HMBOX1: variants seen among roughly 807,000 people sequenced by gnomAD.
HMBOX1 encodes the protein homeobox-containing protein 1.
In HMBOX1, 14 loss-of-function variants were observed where a neutral mutation model predicts 54.5. The ratio of observed to expected loss-of-function variants is 0.26; its 90% CI spans 0.17 to 0.40. The LOEUF (loss-of-function observed/expected upper bound fraction) is 0.40, where lower values mean the gene tolerates loss of function less well. Ranked by LOEUF, HMBOX1 falls within the 10% of genes least tolerant of loss-of-function variation. HMBOX1 has a pLI of 1.00. For missense variants in HMBOX1, 332 were observed against 514.4 expected (o/e 0.65, Z 3.43); for synonymous variants, 160 against 181.0 (o/e 0.88, Z 0.93).
intron 5 of HMBOX1, among the ~76,000 whole-genome samples, chr8:29,011,309 C>T (rs1317562549): frequency 6.6e-6 from 1 of 152,172 alleles, no homozygotes; most frequent in African/African-American, 2.4e-5. Flanking sequence ...GAGGTTGTAG[C>T]ACTATTCATA....
chr8:28,950,900 A>G (rs1238257745), intron 1 of HMBOX1, among the ~76,000 whole-genome samples: 2 of 152,230 alleles, frequency 1.3e-5, no homozygotes, highest in African/African-American at 2.4e-5. Context: ...CATGTGTTTT[A>G]AAGTAATCAA....
chr8:28,993,046 C>G (rs1586336842), intron 4 of HMBOX1, among the ~76,000 whole-genome samples: 1 of 38,778 alleles, frequency 2.6e-5, no homozygotes, highest in Non-Finnish European at 5.5e-5. Context: ...AAATCAACAC[C>G]TAGTTTTTTT....
chr8:29,000,980 A>C (rs1255906033), intron 4 of HMBOX1, among the ~76,000 whole-genome samples: 1 of 152,216 alleles, frequency 6.6e-6, no homozygotes, highest in Non-Finnish European at 1.5e-5. Context: ...AATTGTTGAC[A>C]GTGCTTTTAT....
chr8:29,006,254 A>G (rs540612065), intron 4 of HMBOX1, among the ~76,000 whole-genome samples: 1 of 152,064 alleles, frequency 6.6e-6, no homozygotes, highest in East Asian at 1.9e-4. Context: ...CTGCCTCCCA[A>G]AGTGCCGGGA....
intron 1 of HMBOX1, among the ~76,000 whole-genome samples, chr8:28,948,832 A>G (rs1351357659): frequency 6.6e-6 from 1 of 152,148 alleles, no homozygotes; most frequent in East Asian, 1.9e-4. Context: ...CAATTCTATA[A>G]TATTTCCTTT....
intron 1 of HMBOX1, among the ~76,000 whole-genome samples, chr8:28,954,584 C>T (rs1015624867): frequency 6.6e-5 from 10 of 152,188 alleles, no homozygotes; most frequent in Admixed American, 2.0e-4. Context: ...AATTTTAAAT[C>T]ACCACTAACA....
rs1174069587 is a variant in HMBOX1 at position 29,051,726 on chromosome 8, G to C, written c.*571G>C. The C allele has an allele frequency of 3.0e-6, 2 of 664,488 alleles. No individual in the cohort carries two copies. The highest frequency in any genetic ancestry group is 5.6e-6 in the Non-Finnish European group (2 of 359,118). 41.2% of individuals were successfully genotyped at this position (664,488 alleles called of 1,614,324 possible). The stretch of plus-strand genomic sequence containing the variant: ...CACTGTGGCTAGATTATACTTCTTT[G>C]GGTGCTGTGCTAAGAATGTCAATGG... On this transcript the variant is annotated 3_prime_UTR_variant, in exon 10 of 10. Transcript: ENST00000287701.
At chr8:28,907,495 G>A (rs546098350) in intron 1 of HMBOX1, among the ~76,000 whole-genome samples, 1 of 152,272 alleles carries the variant, frequency 6.6e-6, no homozygotes, top group South Asian at 2.1e-4. Flanking sequence ...ATTTTTGATA[G>A]TAATTAAGTT....
intron 4 of HMBOX1, among the ~76,000 whole-genome samples, chr8:28,986,389 T>A (rs1830167637): frequency 6.6e-6 from 1 of 152,234 alleles, no homozygotes; most frequent in Admixed American, 6.5e-5. Context: ...AATTTCTATC[T>A]ATATTAGTAA....
chr8:28,951,361 G>C (rs532685768), intron 1 of HMBOX1, among the ~76,000 whole-genome samples: 1 of 152,170 alleles, frequency 6.6e-6, no homozygotes, highest in African/African-American at 2.4e-5. Flanking sequence ...TCGATCTCTT[G>C]ACCTTATGAT....
intron 4 of HMBOX1, among the ~76,000 whole-genome samples, chr8:28,997,702 C>T (rs75021777): frequency 0.019 from 2,949 of 152,202 alleles, 90 homozygotes; most frequent in African/African-American, 0.068. Flanking sequence ...TGTGCGCCAT[C>T]ATGCCTTGCT....
At chr8:28,891,965 C>T (rs967231896) in intron 1 of HMBOX1, among the ~76,000 whole-genome samples, 3 of 152,150 alleles carry the variant, frequency 2.0e-5, no homozygotes, top group Non-Finnish European at 4.4e-5. Flanking sequence ...GTACAGAAAC[C>T]TCTGGCTTCC....
At chr8:28,973,602 A>G (rs1827811551) in intron 3 of HMBOX1, among the ~76,000 whole-genome samples, 2 of 151,890 alleles carry the variant, frequency 1.3e-5, no homozygotes, top group African/African-American at 4.8e-5. Flanking sequence ...TGCTATGGTG[A>G]TATGATAGCC....
In HMBOX1 at chr8:28,987,227, A is replaced by G. The variant is rs192262371; in HGVS notation, c.586+7071A>G. Among the ~76,000 whole-genome samples, 54 of 152,330 alleles carry G rather than the reference A, an allele frequency of 3.5e-4. 1 individual carries two copies. In the East Asian group the frequency reaches 0.01, roughly 29 times the overall value. Reference sequence around the variant, plus strand: ...CACAGATGTGGTTTTTCCCTCATTCAGTAATTATCATTTTTGTTTCTCTCC... The same window carrying G: ...CACAGATGTGGTTTTTCCCTCATTCGGTAATTATCATTTTTGTTTCTCTCC... On this transcript the variant is annotated intron_variant, in intron 4 of 9. Coordinates refer to ENST00000287701, the MANE Select transcript of HMBOX1 (RefSeq NM_001135726.3).
At chr8:28,917,094 T>G (rs1479956150) in intron 1 of HMBOX1, among the ~76,000 whole-genome samples, 2 of 151,522 alleles carry the variant, frequency 1.3e-5, no homozygotes, top group Non-Finnish European at 2.9e-5. Flanking sequence ...AAGAATTACC[T>G]TGTTAATATA....
At chr8:28,945,661 C>T (rs1822294742) in intron 1 of HMBOX1, among the ~76,000 whole-genome samples, 1 of 152,122 alleles carries the variant, frequency 6.6e-6, no homozygotes, top group African/African-American at 2.4e-5. Context: ...ATTTTTCCAG[C>T]TGTGAATTTC....
chr8:28,940,881 G>C (rs978352897), intron 1 of HMBOX1, among the ~76,000 whole-genome samples: 1 of 152,212 alleles, frequency 6.6e-6, no homozygotes, highest in Non-Finnish European at 1.5e-5. Flanking sequence ...CCTGATTTAA[G>C]TGGAAGGCAC....
intron 1 of HMBOX1, among the ~76,000 whole-genome samples, chr8:28,923,086 G>C (rs1396258888): frequency 6.6e-6 from 1 of 152,116 alleles, no homozygotes; most frequent in Non-Finnish European, 1.5e-5. Context: ...TACATTTACA[G>C]TGTTGCACAA....
At chr8:28,930,152 A>G (rs1819237236) in intron 1 of HMBOX1, among the ~76,000 whole-genome samples, 2 of 152,056 alleles carry the variant, frequency 1.3e-5, no homozygotes. Flanking sequence ...TCAAACTCAT[A>G]TGTCTGAACC....
Sources: gnomAD v4.1 joint callset for allele counts (sites outside exome capture counted in the v4.1 genomes callset) on GRCh38, gnomAD v4.1.1 for gene constraint, MANE v1.5 for transcripts, NCBI Gene and HGNC (gene_info 2026-07-23, HGNC 2026-07-21) for gene names.